The following XKR4 variants were observed in gnomAD, a reference collection of about 807,000 sequenced individuals.
XKR4 encodes the protein XK related 4, also known as XK-related protein 4.
In XKR4, 12 loss-of-function variants were observed where a neutral mutation model predicts 53.9. That is an observed-to-expected ratio of 0.22 (90% CI 0.14 to 0.36). XKR4 has a LOEUF of 0.36. Among genes scored for constraint, XKR4 ranks in the 10% least tolerant of loss-of-function variants. The pLI is 1.00. For missense variants in XKR4, 799 were observed against 859.5 expected (o/e 0.93, Z 0.88); for synonymous variants, 354 against 362.4 (o/e 0.98, Z 0.26).
intron 1 of XKR4, chr8:55,142,288 A>T (rs1451789342): frequency 4.6e-6 from 2 of 431,458 alleles, no homozygotes; most frequent in Admixed American, 2.4e-5. Flanking sequence ...GGATAAGGAA[A>T]GGGTATAGTA....
At chr8:55,183,456 A>G (rs1253019882) in intron 1 of XKR4, among the ~76,000 whole-genome samples, 3 of 151,980 alleles carry the variant, frequency 2.0e-5, no homozygotes, top group African/African-American at 4.8e-5. Context: ...TCAATTCAAA[A>G]TATTTTAAAG....
chr8:55,296,170 C>G (rs773952131), intron 1 of XKR4, among the ~76,000 whole-genome samples: 1 of 152,114 alleles, frequency 6.6e-6, no homozygotes. Flanking sequence ...CTCTGTCCAA[C>G]AGCAACATAC....
intron 1 of XKR4, among the ~76,000 whole-genome samples, chr8:55,147,034 T>C (rs557444930): frequency 6.6e-5 from 10 of 152,392 alleles, no homozygotes; most frequent in African/African-American, 2.4e-4. Context: ...ATTTGGGCAC[T>C]TTATTAAAGC....
At chr8:55,366,387 G>C (rs539498257) in intron 2 of XKR4, among the ~76,000 whole-genome samples, 1 of 152,206 alleles carries the variant, frequency 6.6e-6, no homozygotes, top group Non-Finnish European at 1.5e-5. Context: ...GGCCTGAAAG[G>C]CTATGGTATG....
intron 1 of XKR4, among the ~76,000 whole-genome samples, chr8:55,222,826 A>T (rs1231678929): frequency 6.6e-6 from 1 of 151,742 alleles, no homozygotes; most frequent in Non-Finnish European, 1.5e-5. Flanking sequence ...AATATATTTA[A>T]AGGAGGGGAT....
At chr8:55,375,169 A>G (rs1804129429) in intron 2 of XKR4, among the ~76,000 whole-genome samples, 1 of 152,232 alleles carries the variant, frequency 6.6e-6, no homozygotes, top group African/African-American at 2.4e-5. Context: ...CACGACACTG[A>G]GCCTTGGCTT....
At chr8:55,399,526 A>G (rs1363568973) in intron 2 of XKR4, among the ~76,000 whole-genome samples, 3 of 152,176 alleles carry the variant, frequency 2.0e-5, no homozygotes, top group Admixed American at 2.0e-4. Flanking sequence ...CTGTCATTTA[A>G]AATGCATGTT....
chr8:55,275,599 C>T (rs945984420), intron 1 of XKR4, among the ~76,000 whole-genome samples: 8 of 152,128 alleles, frequency 5.3e-5, no homozygotes, highest in African/African-American at 1.9e-4. Flanking sequence ...ATAAATACAT[C>T]CCCCATTGCA....
chr8:55,396,912 A>G (rs1804527426), intron 2 of XKR4, among the ~76,000 whole-genome samples: 1 of 152,200 alleles, frequency 6.6e-6, no homozygotes, highest in Non-Finnish European at 1.5e-5. Flanking sequence ...CTACCAGGAA[A>G]TCTCTTTGAA....
intron 2 of XKR4, among the ~76,000 whole-genome samples, chr8:55,444,367 A>G (rs1585576064): frequency 1.3e-5 from 2 of 152,238 alleles, no homozygotes; most frequent in East Asian, 3.8e-4. Flanking sequence ...AGAGTTATTA[A>G]TAAATTCAAC....
chr8:55,429,504 T>C (rs1805069889), intron 2 of XKR4, among the ~76,000 whole-genome samples: 1 of 151,898 alleles, frequency 6.6e-6, no homozygotes, highest in Non-Finnish European at 1.5e-5. Flanking sequence ...AGGCCAGCAG[T>C]TCAAGACCAG....
chr8:55,256,005 C>T (rs568091774), intron 1 of XKR4, among the ~76,000 whole-genome samples: 8 of 150,488 alleles, frequency 5.3e-5, no homozygotes, highest in Non-Finnish European at 8.9e-5. Flanking sequence ...TGCCGGGGTG[C>T]GTCAAGCCCT....
chr8:55,453,118 T>C (rs1246550507), intron 2 of XKR4: 2 of 538,750 alleles, frequency 3.7e-6, no homozygotes. Context: ...AGTCTGCATG[T>C]CCCAGTAGAA....
At chr8:55,209,209 G>GTTTA (rs1554569807) in intron 1 of XKR4, among the ~76,000 whole-genome samples, 3 of 89,454 alleles carry the variant, frequency 3.4e-5, no homozygotes, top group Non-Finnish European at 8.0e-5. Context: ...GTTTATGTGT[G>GTTTA]TGTGTGTGTG....
chr8:55,361,572 C>A (rs528653333), intron 2 of XKR4, among the ~76,000 whole-genome samples: 2 of 152,206 alleles, frequency 1.3e-5, no homozygotes, highest in Non-Finnish European at 2.9e-5. Context: ...GGATAGCCCA[C>A]AGCTTCATCC....
intron 2 of XKR4, among the ~76,000 whole-genome samples, chr8:55,443,530 T>TAAAAAAAAAAAAAAAA (rs751152509): frequency 1.1e-4 from 8 of 74,008 alleles, no homozygotes; most frequent in Admixed American, 2.0e-4. Context: ...TCAGTTACAT[T>TAAAAAAAAAAAAAAAA]AAAAAAAAAA....
intron 2 of XKR4, among the ~76,000 whole-genome samples, chr8:55,513,583 T>C (rs1214346737): frequency 6.6e-6 from 1 of 152,188 alleles, no homozygotes; most frequent in Admixed American, 6.5e-5. Flanking sequence ...CTGCGGTCCT[T>C]AACAGATACC....
Position 55,203,205 on chromosome 8 carries a change from C to T in XKR4, c.806+99911C>T, listed in dbSNP as rs774749335. On this transcript the variant is annotated intron_variant, in intron 1 of 2. Coordinates refer to ENST00000327381, the MANE Select transcript of XKR4 (RefSeq NM_052898.2). ...TAAAGCACTGGCCCGCCAAGCACGG[C>T]GCCTGTAACTTGGCTTTGCACTATT... Among the ~76,000 whole-genome samples the T allele has an allele frequency of 4.6e-4, 70 of 152,336 alleles. 2 individuals carry two copies. Among genetic ancestry groups the T allele is most frequent in the Admixed American group, 3.5e-3 (54 of 15,310 alleles).
chr8:55,410,284 C>T (rs904547917), intron 2 of XKR4, among the ~76,000 whole-genome samples: 2 of 152,226 alleles, frequency 1.3e-5, no homozygotes, highest in East Asian at 1.9e-4. Context: ...CACTGATTTC[C>T]GGGTCCATCC....
Sources: allele counts gnomAD v4.1 joint callset (sites outside exome capture counted in the v4.1 genomes callset), GRCh38; gene constraint gnomAD v4.1.1; transcripts MANE v1.5; gene names NCBI Gene and HGNC (gene_info 2026-07-23, HGNC 2026-07-21).